CLEC2A: variants seen among roughly 807,000 people sequenced by gnomAD.
CLEC2A encodes the protein keratinocyte-associated C-type lectin.
A neutral mutation model predicts 18.6 loss-of-function variants in CLEC2A; 19 were observed. The observed-to-expected ratio is 1.02, with a 90% CI of 0.71 to 1.50. The LOEUF is 1.50. Ranked by LOEUF, CLEC2A falls within the 40% of genes most tolerant of loss-of-function variation. The probability of loss-of-function intolerance (pLI) is 0.00; values close to 1 mark genes in which losing one functional copy is unlikely to be tolerated. For missense variants in CLEC2A, 190 were observed against 207.9 expected (o/e 0.91, Z 0.53); for synonymous variants, 74 against 64.0 (o/e 1.16, Z -0.75).
At chr12:9,902,849 G>A (rs1256945097) in intron 4 of CLEC2A, among the ~76,000 whole-genome samples, 2 of 152,106 alleles carry the variant, frequency 1.3e-5, no homozygotes, top group Admixed American at 1.3e-4. Flanking sequence ...CCATTGGCTG[G>A]AGTTAGACCA....
intron 2 of CLEC2A, among the ~76,000 whole-genome samples, chr12:9,925,276 A>C (rs1398922937): frequency 6.6e-6 from 1 of 152,254 alleles, no homozygotes. Context: ...AAGATTTTGC[A>C]TTCCAACTAA....
chr12:9,894,242 C>T (rs1036446688), downstream of CLEC2A, among the ~76,000 whole-genome samples: 7 of 150,344 alleles, frequency 4.7e-5, no homozygotes, highest in Non-Finnish European at 8.9e-5. Flanking sequence ...AGTGCAGTGG[C>T]ATGATCGTGG....
At position 9,932,318 on chromosome 12, in the gene CLEC2A, T is replaced by G. The variant is rs1189373646; in HGVS notation, c.12A>C (p.Pro4=). Reference sequence around the variant, plus strand: ...CATCAGCTCTGCCATCCCGCAGCTCTGGATTAATCATGGCAAGGCGCTAAC... The same window carrying G: ...CATCAGCTCTGCCATCCCGCAGCTCGGGATTAATCATGGCAAGGCGCTAAC... MIN[P]ELRDGRADGF... Residue 4 remains proline (P), a synonymous_variant, in exon 1 of 5, where the codon CCA becomes CCC. Transcript: ENST00000455827. The G allele has an allele frequency of 6.4e-7, 1 of 1,552,054 alleles. No individual in the cohort carries two copies. The highest frequency in any genetic ancestry group is 2.4e-5 in the East Asian group (1 of 40,910).
the CLEC2A span, among the ~76,000 whole-genome samples, chr12:9,888,136 G>C: frequency 1.4e-5 from 2 of 141,250 alleles, no homozygotes; most frequent in Admixed American, 1.4e-4. Context: ...AAAAAGTCCA[G>C]TGAAAAAAAT....
chr12:9,918,013 A>G (rs967092942), intron 3 of CLEC2A, among the ~76,000 whole-genome samples: 3 of 152,192 alleles, frequency 2.0e-5, no homozygotes, highest in African/African-American at 7.2e-5. Context: ...TGACAGATGC[A>G]TAGCTTGCAA....
At chr12:9,929,760 G>A (rs957453430) in intron 1 of CLEC2A, among the ~76,000 whole-genome samples, 7 of 151,826 alleles carry the variant, frequency 4.6e-5, no homozygotes, top group Non-Finnish European at 8.8e-5. Context: ...TATTAAATCG[G>A]GGTAAATTTC....
At chr12:9,889,892 C>T in the CLEC2A span, among the ~76,000 whole-genome samples, 1 of 151,958 alleles carries the variant, frequency 6.6e-6, no homozygotes, top group Non-Finnish European at 1.5e-5. Context: ...TCAATTTCTT[C>T]ATCTGTAAAT....
downstream of CLEC2A, among the ~76,000 whole-genome samples, chr12:9,910,213 G>T (rs186791207): frequency 2.7e-3 from 417 of 152,216 alleles, no homozygotes; most frequent in South Asian, 5.0e-3. Flanking sequence ...TTTTATGTTT[G>T]GTTCTTTTAT....
At chr12:9,886,995 G>A in the CLEC2A span, among the ~76,000 whole-genome samples, 26 of 151,902 alleles carry the variant, frequency 1.7e-4, no homozygotes, top group African/African-American at 6.3e-4. Flanking sequence ...ATATCCCGGA[G>A]CACAGAGCAA....
rs553455114 is a variant in CLEC2A, at chr12:9,925,848, T to C, written c.139+412A>G. On this transcript the variant is annotated intron_variant, in intron 2 of 4. Transcript: ENST00000455827. Reference sequence around the variant, plus strand: ...TGCCATGATTGTCTAACCGACCACCTGCTCCCTGTTGACCAACTCTTCTTC... The same window carrying C: ...TGCCATGATTGTCTAACCGACCACCCGCTCCCTGTTGACCAACTCTTCTTC... Among the ~76,000 whole-genome samples the C allele has an allele frequency of 6.6e-4, 101 of 152,272 alleles. 1 individual carries two copies. The South Asian group carries it at 0.021, about 31-fold the overall frequency.
intron 2 of CLEC2A, among the ~76,000 whole-genome samples, chr12:9,924,710 G>A (rs370209166): frequency 7.2e-5 from 11 of 151,930 alleles, no homozygotes; most frequent in East Asian, 5.8e-4. Flanking sequence ...CACATATGCC[G>A]TTATTTCTTT....
chr12:9,910,858 T>C (rs112438064), downstream of CLEC2A, among the ~76,000 whole-genome samples: 227 of 152,206 alleles, frequency 1.5e-3, no homozygotes, highest in African/African-American at 5.3e-3. Context: ...TCATGGGAGA[T>C]GATCTGGGAC....
intron 4 of CLEC2A, among the ~76,000 whole-genome samples, chr12:9,907,163 T>G (rs1591786560): frequency 6.6e-6 from 1 of 152,214 alleles, no homozygotes; most frequent in Non-Finnish European, 1.5e-5. Flanking sequence ...ACAGGCTGCC[T>G]GTGGCTTCCG....
the CLEC2A span, chr12:9,893,403 G>T: frequency 2.7e-6 from 3 of 1,095,180 alleles, no homozygotes; most frequent in Admixed American, 2.3e-5. Context: ...ACAAATGAAT[G>T]AATAAATGCA....
chr12:9,889,846 A>G, the CLEC2A span, among the ~76,000 whole-genome samples: 5 of 152,114 alleles, frequency 3.3e-5, no homozygotes, highest in African/African-American at 9.7e-5. Flanking sequence ...TTTATATGCT[A>G]TATCAATATA....
At chr12:9,923,090 TG>T (rs1227805565) in intron 2 of CLEC2A, among the ~76,000 whole-genome samples, 2 of 152,208 alleles carry the variant, frequency 1.3e-5, no homozygotes, top group African/African-American at 4.8e-5. Context: ...TTTGTGACGT[TG>T]GTATACATGT....
chr12:9,906,181 C>T (rs1348818864), intron 4 of CLEC2A, among the ~76,000 whole-genome samples: 2 of 152,046 alleles, frequency 1.3e-5, no homozygotes, highest in Admixed American at 6.6e-5. Flanking sequence ...TGAGGGGTTT[C>T]GATAATATTT....
chr12:9,877,903 G>C, the CLEC2A span, among the ~76,000 whole-genome samples: 1 of 152,078 alleles, frequency 6.6e-6, no homozygotes, highest in Non-Finnish European at 1.5e-5. Flanking sequence ...AAATGAACAA[G>C]GCACAAATAG....
At chr12:9,889,008 G>A in the CLEC2A span, among the ~76,000 whole-genome samples, 1 of 152,148 alleles carries the variant, frequency 6.6e-6, no homozygotes, top group Non-Finnish European at 1.5e-5. Context: ...GGGTTTTAGT[G>A]AGTCAACAAC....
Sources: gnomAD v4.1 joint callset for allele counts (sites outside exome capture counted in the v4.1 genomes callset) on GRCh38, gnomAD v4.1.1 for gene constraint, MANE v1.5 for transcripts, NCBI Gene and HGNC (gene_info 2026-07-23, HGNC 2026-07-21) for gene names.